NTAN1: variants seen among roughly 807,000 people sequenced by gnomAD.
NTAN1 encodes the protein N-terminal asparagine amidase, also known as protein N-terminal asparagine amidohydrolase.
A neutral mutation model predicts 41.9 loss-of-function variants in NTAN1; 32 were observed. That is an observed-to-expected ratio of 0.76 (90% CI 0.58 to 1.03). The LOEUF (loss-of-function observed/expected upper bound fraction) is 1.03, where lower values mean the gene tolerates loss of function less well. NTAN1 is among the 50% of genes least tolerant of loss of function. The pLI, the probability that NTAN1 is intolerant of heterozygous loss-of-function variation, is 0.00. For missense variants in NTAN1, 377 were observed against 377.5 expected (o/e 1.00, Z 0.01); for synonymous variants, 140 against 139.5 (o/e 1.00, Z -0.03).
At chr16:15,041,821 G>A in intron 5 of NTAN1, 145 bp from the exon 6 acceptor site, 1 of 690,910 alleles carries the variant, frequency 1.4e-6, no homozygotes, top group Non-Finnish European at 2.7e-6. Flanking sequence ...CCACAGCCTG[G>A]CCTATGGGGC....
intron 5 of NTAN1, 53 bp from the exon 6 acceptor site, chr16:15,041,729 A>T: frequency 7.5e-7 from 1 of 1,336,870 alleles, no homozygotes; most frequent in Non-Finnish European, 1.1e-6. Context: ...TAGTTACCAG[A>T]ACAAACTGCT....
rs115492592 is a variant in NTAN1, at chr16:15,040,976, C to T, written c.541+92G>A. ...GGATCTGAACCCAAAGCTGTCCCAT[C>T]CTGACAGCAGTGGGGTCATTGGTTT... On this transcript the variant is annotated intron_variant, in intron 7 of 9. Transcript: ENST00000287706. 1.2e-3 allele frequency: 1,052 copies of T among 877,440 alleles called. 9 individuals carry two copies. In the African/African-American group the frequency reaches 0.015, roughly 13 times the overall value. 54.4% of individuals were successfully genotyped at this position (877,440 alleles called of 1,614,324 possible).
At chr16:15,041,860 C>A (rs2043829807) in intron 5 of NTAN1, among the ~76,000 whole-genome samples, 184 bp from the exon 6 acceptor site, 1 of 152,222 alleles carries the variant, frequency 6.6e-6, no homozygotes, top group African/African-American at 2.4e-5. Flanking sequence ...CACCACAGAA[C>A]CCTGACCGCC....
chr16:15,048,543 G>A (rs982565546), intron 1 of NTAN1, among the ~76,000 whole-genome samples: 2 of 151,778 alleles, frequency 1.3e-5, no homozygotes, highest in Admixed American at 6.6e-5. Context: ...ACTAAAGAGT[G>A]TGAGACTCTT....
intron 9 of NTAN1, 124 bp from the exon 10 acceptor site, chr16:15,038,334 G>A: frequency 4.2e-6 from 3 of 716,764 alleles, no homozygotes; most frequent in Non-Finnish European, 2.2e-6. Flanking sequence ...AAGAAATGAG[G>A]TGGCCTGAAT....
intron 1 of NTAN1, among the ~76,000 whole-genome samples, chr16:15,050,674 G>A (rs1437724623): frequency 6.6e-6 from 1 of 151,850 alleles, no homozygotes; most frequent in Non-Finnish European, 1.5e-5. Flanking sequence ...GGAGGCTGCA[G>A]CGAGCCATGA....
chr16:15,038,337 G>A (rs1252188539), intron 9 of NTAN1, 127 bp from the exon 10 acceptor site: 8 of 697,146 alleles, frequency 1.1e-5, no homozygotes, highest in Non-Finnish European at 1.9e-5. Context: ...AAATGAGGTG[G>A]CCTGAATTAG....
At chr16:15,041,311 G>C (rs2043804920) in intron 6 of NTAN1, among the ~76,000 whole-genome samples, 190 bp from the exon 7 acceptor site, 2 of 152,084 alleles carry the variant, frequency 1.3e-5, no homozygotes, top group African/African-American at 4.8e-5. Context: ...GAACAAACTG[G>C]CAGCTGCAGA....
At chr16:15,053,545 TGTA>T (rs2044377146) in intron 1 of NTAN1, among the ~76,000 whole-genome samples, 1 of 152,218 alleles carries the variant, frequency 6.6e-6, no homozygotes, top group Non-Finnish European at 1.5e-5. Context: ...AAAGAATGGT[TGTA>T]GTCATACTTT....
At position 15,038,091 on chromosome 16, in the gene NTAN1, G is replaced by A. The variant is rs745932508; in HGVS notation, c.873C>T (p.Ala291=). Residue 291 remains alanine (A), a synonymous_variant, in exon 10 of 10, where the codon GCC becomes GCT. Transcript: ENST00000287706. ...CATCTTCATTTTTTTTGTAGAGTAG[G>A]GCTTTATTTCCAGAAAACAGTGTGT... ...PAHTLFSGNK[A]LLYKKNEDGL... 1.2e-6 allele frequency: 2 copies of A among 1,612,822 alleles called. No individual in the cohort carries two copies. The highest frequency in any genetic ancestry group is 1.7e-6 in the Non-Finnish European group (2 of 1,179,032).
chr16:15,048,235 G>A lies in NTAN1; in HGVS notation c.82-136C>T, dbSNP rs532398300. Reference sequence around the variant, plus strand: ...GGGGAGTGTGTTAGTGGACAGAGAGGCTCAAAGAAAAAGGCAGCAGCCACG... The same window carrying A: ...GGGGAGTGTGTTAGTGGACAGAGAGACTCAAAGAAAAAGGCAGCAGCCACG... On this transcript the variant is annotated intron_variant, in intron 1 of 9. Transcript: ENST00000287706. The A allele has an allele frequency of 2.3e-4, 143 of 625,022 alleles. 1 individual carries two copies. In the East Asian group the frequency reaches 3.8e-3, roughly 17 times the overall value. 38.7% of individuals were successfully genotyped at this position (625,022 alleles called of 1,614,324 possible). A position where few individuals can be genotyped will look rare whatever the true frequency, so the allele number is the denominator to read the frequency against.
intron 5 of NTAN1, among the ~76,000 whole-genome samples, chr16:15,043,986 A>G (rs1448755195): frequency 2.0e-5 from 3 of 152,194 alleles, no homozygotes; most frequent in African/African-American, 7.2e-5. Flanking sequence ...CTAATAGGGA[A>G]AAAATGGTAT....
At chr16:15,047,575 C>G (rs768221497) in intron 3 of NTAN1, 25 bp from the exon 4 acceptor site, 6 of 1,521,686 alleles carry the variant, frequency 3.9e-6, no homozygotes, top group Non-Finnish European at 5.5e-6. Flanking sequence ...TGAAAGGACT[C>G]AAGTTATTCC....
At chr16:15,041,455 G>T (rs549178501) in intron 6 of NTAN1, among the ~76,000 whole-genome samples, 168 bp downstream of exon 6, 1 of 152,250 alleles carries the variant, frequency 6.6e-6, no homozygotes, top group South Asian at 2.1e-4. Flanking sequence ...GCAGATGGTG[G>T]ACGAGGGCAA....
chr16:15,047,123 T>G (rs934161567), intron 4 of NTAN1: 1 of 372,286 alleles, frequency 2.7e-6, no homozygotes, highest in Non-Finnish European at 5.0e-6. Context: ...GAGGAATGAC[T>G]GCATGGAGAG....
At position 15,048,667 on chromosome 16, in the gene NTAN1, A is replaced by C. The variant is rs2044176797; in HGVS notation, c.82-568T>G. On this transcript the variant is annotated intron_variant, in intron 1 of 9. Coordinates refer to ENST00000287706, the MANE Select transcript of NTAN1 (RefSeq NM_173474.4). Reference sequence around the variant, plus strand: ...GAGACAGTCTCTCACTCTGTCACCCAAGCTGGAGTATAGTGGTACAATTTC... The same window carrying C: ...GAGACAGTCTCTCACTCTGTCACCCCAGCTGGAGTATAGTGGTACAATTTC... Among the ~76,000 whole-genome samples the C allele has an allele frequency of 2.0e-5, 3 of 152,266 alleles. No homozygotes were observed. In the South Asian group the frequency reaches 6.2e-4, roughly 32 times the overall value.
intron 5 of NTAN1, among the ~76,000 whole-genome samples, chr16:15,043,419 CTA>C (rs2043913916): frequency 6.6e-6 from 1 of 152,178 alleles, no homozygotes; most frequent in South Asian, 2.1e-4. Flanking sequence ...TGGCATGCAC[CTA>C]GTCACAGCTA....
rs1315610253 is a variant in NTAN1 at position 15,038,019 on chromosome 16, A to G, written c.*12T>C. 2 of 1,602,262 alleles carry G rather than the reference A, an allele frequency of 1.2e-6. No individual in the cohort carries two copies. Among genetic ancestry groups the G allele is most frequent in the Non-Finnish European group, 8.5e-7 (1 of 1,172,582 alleles). On this transcript the variant is annotated 3_prime_UTR_variant, in exon 10 of 10. Transcript: ENST00000287706. The stretch of plus-strand genomic sequence containing the variant: ...AGGCCAAGAAGGTGCTTTCTTTGGT[A>G]ATTCATGTTTTTTAACTTCCTGGAG...
rs754300105 is a variant in NTAN1, at chr16:15,044,397, G to A, written c.370C>T (p.His124Tyr). 1 of 1,612,418 alleles carries A rather than the reference G, an allele frequency of 6.2e-7. No individual in the cohort carries two copies. The highest frequency in any genetic ancestry group is 1.3e-5 in the African/African-American group (1 of 74,894). ...DHAQCGRLEV[H>Y]LVGGFSDDRQ... ...TCGTCACTGAAGCCTCCAACAAGGT[G>A]TACTTCCAGCCTGGCAAAGAGATGA... is the stretch of plus-strand genomic sequence containing the variant. The change falls in exon 5 of 10, where the codon CAC becomes TAC. Residue 124 changes from histidine to tyrosine, a missense_variant. Physicochemically the swap from His to Tyr is moderately conservative, Grantham distance 83 (BLOSUM62 2). Coordinates refer to ENST00000287706, the MANE Select transcript of NTAN1 (RefSeq NM_173474.4).
Sources: allele counts gnomAD v4.1 joint callset (sites outside exome capture counted in the v4.1 genomes callset), GRCh38; gene constraint gnomAD v4.1.1; transcripts MANE v1.5; gene names NCBI Gene and HGNC (gene_info 2026-07-23, HGNC 2026-07-21).